ARL15: variants seen among roughly 807,000 people sequenced by gnomAD.
ARL15 encodes ARF like GTPase 15, also known as ADP-ribosylation factor-like protein 15.
A neutral mutation model predicts 25.2 loss-of-function variants in ARL15; 19 were observed. The ratio of observed to expected loss-of-function variants is 0.75; its 90% confidence interval spans 0.53 to 1.10. ARL15 has a LOEUF of 1.10. Among genes scored for constraint, ARL15 ranks in the 50% least tolerant of loss-of-function variants. The probability of loss-of-function intolerance (pLI) is 0.00; values close to 1 mark genes in which losing one functional copy is unlikely to be tolerated. For missense variants in ARL15, 220 were observed against 246.0 expected (o/e 0.89, Z 0.71); for synonymous variants, 94 against 86.8 (o/e 1.08, Z -0.46).
chr5:54,244,159 A>G (rs1376818703), intron 1 of ARL15, among the ~76,000 whole-genome samples: 2 of 152,232 alleles, frequency 1.3e-5, no homozygotes, highest in African/African-American at 2.4e-5. Flanking sequence ...TAGCATCCCT[A>G]TAAGTGAAAA....
chr5:54,211,656 G>A (rs1210921731), intron 1 of ARL15, among the ~76,000 whole-genome samples: 3 of 151,874 alleles, frequency 2.0e-5, no homozygotes, highest in Non-Finnish European at 4.4e-5. Context: ...ATTTTTAGTA[G>A]AGACAGGGTT....
At chr5:53,992,979 G>C (rs1748554480) in intron 4 of ARL15, among the ~76,000 whole-genome samples, 1 of 151,818 alleles carries the variant, frequency 6.6e-6, no homozygotes, top group East Asian at 1.9e-4. Flanking sequence ...CCGGGAGGTG[G>C]AAGTTGCTGT....
intron 4 of ARL15, among the ~76,000 whole-genome samples, chr5:54,074,324 T>C (rs1751520199): frequency 6.6e-6 from 1 of 152,168 alleles, no homozygotes. Context: ...AAACCTACAA[T>C]ACATCCAAAA....
intron 1 of ARL15, chr5:54,282,336 T>A: frequency 1.0e-6 from 1 of 985,386 alleles, no homozygotes; most frequent in Non-Finnish European, 1.2e-6. Flanking sequence ...CTCTATAAGA[T>A]TAAAATAAGA....
chr5:54,133,589 T>C (rs187869662), intron 3 of ARL15, among the ~76,000 whole-genome samples: 26 of 152,302 alleles, frequency 1.7e-4, no homozygotes, highest in African/African-American at 5.3e-4. Context: ...GACAAATGTA[T>C]ACCTGATTCA....
At chr5:53,967,662 G>A (rs1486097375) in intron 4 of ARL15, among the ~76,000 whole-genome samples, 1 of 152,184 alleles carries the variant, frequency 6.6e-6, no homozygotes, top group Non-Finnish European at 1.5e-5. Flanking sequence ...TGGATACACA[G>A]AGCTGCCTTC....
At chr5:54,095,722 T>G (rs1019559031) in intron 4 of ARL15, among the ~76,000 whole-genome samples, 3 of 152,132 alleles carry the variant, frequency 2.0e-5, no homozygotes, top group African/African-American at 7.2e-5. Context: ...TGGCTTAGTT[T>G]CTTCAATATA....
At chr5:53,970,253 T>C (rs1178183319) in intron 4 of ARL15, among the ~76,000 whole-genome samples, 1 of 152,232 alleles carries the variant, frequency 6.6e-6, no homozygotes, top group African/African-American at 2.4e-5. Flanking sequence ...ATAATAGCTA[T>C]TGAATGGTTT....
intron 1 of ARL15, among the ~76,000 whole-genome samples, chr5:54,193,592 C>G (rs989570446): frequency 3.9e-5 from 6 of 152,138 alleles, no homozygotes; most frequent in African/African-American, 1.4e-4. Context: ...TGAGGTGGAA[C>G]AGCATCACCC....
intron 4 of ARL15, among the ~76,000 whole-genome samples, chr5:53,912,592 A>G (rs1313275340): frequency 6.6e-6 from 1 of 152,178 alleles, no homozygotes; most frequent in African/African-American, 2.4e-5. Context: ...ATATTTCTCC[A>G]CCATAATCTT....
intron 4 of ARL15, among the ~76,000 whole-genome samples, chr5:54,073,429 G>A (rs2112081089): frequency 6.6e-6 from 1 of 152,254 alleles, no homozygotes; most frequent in South Asian, 2.1e-4. Context: ...ATATATAAGA[G>A]GACTCAAAGT....
chr5:53,987,557 G>A (rs557731385), intron 4 of ARL15, among the ~76,000 whole-genome samples: 1 of 151,714 alleles, frequency 6.6e-6, no homozygotes, highest in African/African-American at 2.4e-5. Context: ...GTGAGAAAGA[G>A]AGATTACAGA....
intron 4 of ARL15, among the ~76,000 whole-genome samples, chr5:53,964,551 G>C (rs950812784): frequency 2.6e-5 from 4 of 151,980 alleles, no homozygotes; most frequent in African/African-American, 9.7e-5. Context: ...TAGTAGAGAC[G>C]GGGCTTCACC....
chr5:54,082,743 A>G (rs1269982209), intron 4 of ARL15, among the ~76,000 whole-genome samples: 4 of 152,172 alleles, frequency 2.6e-5, no homozygotes, highest in Admixed American at 6.5e-5. Flanking sequence ...AGCTTCAGCT[A>G]AGGCCTTACT....
chr5:53,931,785 C>T (rs1746202215), intron 4 of ARL15, among the ~76,000 whole-genome samples: 1 of 152,188 alleles, frequency 6.6e-6, no homozygotes, highest in Admixed American at 6.5e-5. Flanking sequence ...TTACTTTAGC[C>T]CACAAGCCTC....
chr5:54,307,114 A>T (rs1758776234), intron 1 of ARL15, among the ~76,000 whole-genome samples: 1 of 152,194 alleles, frequency 6.6e-6, no homozygotes, highest in African/African-American at 2.4e-5. Context: ...CATGGCCTTT[A>T]AACCCCATCA....
intron 4 of ARL15, among the ~76,000 whole-genome samples, chr5:53,964,132 C>A (rs1004569834): frequency 6.6e-6 from 1 of 152,124 alleles, no homozygotes; most frequent in Non-Finnish European, 1.5e-5. Flanking sequence ...TGCTTCTCAG[C>A]AAGTGCTACC....
At chr5:54,258,003 C>T (rs1757409383) in intron 1 of ARL15, among the ~76,000 whole-genome samples, 4 of 152,146 alleles carry the variant, frequency 2.6e-5, no homozygotes, top group Middle Eastern at 3.4e-3. Flanking sequence ...CATAGAATCA[C>T]ACGGGCTGCT....
intron 4 of ARL15, among the ~76,000 whole-genome samples, chr5:54,090,493 T>C (rs934340049): frequency 1.3e-5 from 2 of 151,200 alleles, no homozygotes; most frequent in African/African-American, 4.8e-5. Context: ...AGGTAGAGGA[T>C]GCATGAAAAT....
Sources: gnomAD v4.1 joint callset for allele counts (sites outside exome capture counted in the v4.1 genomes callset) on GRCh38, gnomAD v4.1.1 for gene constraint, MANE v1.5 for transcripts, NCBI Gene and HGNC (gene_info 2026-07-23, HGNC 2026-07-21) for gene names.